FEM1B: variants seen among roughly 807,000 people sequenced by gnomAD.
The protein encoded by FEM1B is protein fem-1 homolog B.
FEM1B carries 10 observed loss-of-function variants against 38.6 expected under a neutral mutation model. The ratio of observed to expected loss-of-function variants is 0.26; its 90% CI spans 0.16 to 0.44. The LOEUF (loss-of-function observed/expected upper bound fraction) is 0.44, where lower values mean the gene tolerates loss of function less well. Ranked by LOEUF, FEM1B falls within the 20% of genes least tolerant of loss-of-function variation. FEM1B has a pLI of 1.00. For missense variants in FEM1B, 471 were observed against 786.7 expected, an observed-to-expected ratio of 0.60 and a Z score of 4.80; for synonymous variants, 288 against 288.0, an observed-to-expected ratio of 1.00 and a Z score of 0.00.
rs1892685850 is a variant in FEM1B, at chr15:68,278,355, C to T, written c.-63C>T. 17 of 1,555,288 alleles carry T rather than the reference C, an allele frequency of 1.1e-5. No homozygotes were observed. Among genetic ancestry groups the T allele is most frequent in the Non-Finnish European group, 1.4e-5 (16 of 1,149,900 alleles). On this transcript the variant is annotated 5_prime_UTR_variant, in exon 1 of 2. Coordinates refer to ENST00000306917, the MANE Select transcript of FEM1B (RefSeq NM_015322.5). This position sits in a 1 kb window ranked among gnomAD's most constrained non-coding sequence, Gnocchi z 5.7. ...GGTTTAAAGCGCTGGCGAACGCGGC[C>T]TCCGGGGGCGCACGGCAGCTGCAGC...
At chr15:68,287,105 G>A (rs974336977) in intron 1 of FEM1B, among the ~76,000 whole-genome samples, 9 of 152,148 alleles carry the variant, frequency 5.9e-5, no homozygotes, top group Non-Finnish European at 2.9e-5. Context: ...TGGCCAGGTT[G>A]GTCTCGAACT....
Position 68,291,294 on chromosome 15 carries a change from T to C in FEM1B, c.*52T>C. 4 of 1,339,152 alleles carry C rather than the reference T, an allele frequency of 3.0e-6. No individual in the cohort carries two copies. The highest frequency in any genetic ancestry group is 4.1e-6 in the Non-Finnish European group (4 of 972,032). The allele number at this position is 1,339,152 out of a possible 1,614,324, so 83.0% of individuals were successfully genotyped here. ...TGTGGTGCTAAAAAGTAAAGGACTT[T>C]TAATCACAGACAGTAGAATTATGTG... On this transcript the variant is annotated 3_prime_UTR_variant, in exon 2 of 2. Coordinates refer to ENST00000306917, the MANE Select transcript of FEM1B (RefSeq NM_015322.5). The surrounding 1 kb of genome is among the most constrained non-coding windows in gnomAD (Gnocchi z 6.9).
In FEM1B at chr15:68,288,265, A is replaced by T. The variant is rs531079088; in HGVS notation, c.249-1342A>T. On this transcript the variant is annotated intron_variant, in intron 1 of 1. Transcript: ENST00000306917. The surrounding 1 kb of genome is among the most constrained non-coding windows in gnomAD (Gnocchi z 4.6). ...CTGAATTTTGGTGGGAACACATTCA[A>T]ACTATAGCACCAGGAGCATTATTCT... 1.3e-5 allele frequency among the ~76,000 whole-genome samples: 2 copies of T among 152,366 alleles called. No individual in the cohort carries two copies. The highest frequency in any genetic ancestry group is 4.8e-5 in the African/African-American group (2 of 41,590).
In FEM1B at chr15:68,283,706, CATTGTAACTATGTA is replaced by C. The variant is rs1567113076; in HGVS notation, c.248+5047_248+5060del. 1.3e-4 allele frequency among the ~76,000 whole-genome samples: 19 copies of C among 151,998 alleles called. No individual in the cohort carries two copies. The South Asian group carries it at 3.7e-3, about 30-fold the overall frequency. Reference sequence around the variant, plus strand: ...ACAAAACAAATCCAGTGGAAGGAAACATTGTAACTATGTAATTGTTACTATGTATTAACTTTGTA... The same window carrying C: ...ACAAAACAAATCCAGTGGAAGGAAACATTGTTACTATGTATTAACTTTGTA... On this transcript the variant is annotated intron_variant, in intron 1 of 1. Coordinates refer to ENST00000306917, the MANE Select transcript of FEM1B (RefSeq NM_015322.5).
chr15:68,292,566 A>G lies in FEM1B; in HGVS notation c.*1324A>G, dbSNP rs1892858399. On this transcript the variant is annotated 3_prime_UTR_variant, in exon 2 of 2. Transcript: ENST00000306917. ...TGAAAGCAAAATTAGCTGTATCTGT[A>G]ATTTTCTCTCTAGTGCCAAATGAAT... 6.6e-6 allele frequency: 1 copy of G among 152,000 alleles called. No homozygotes were observed. The highest frequency in any genetic ancestry group is 6.6e-5 in the Admixed American group (1 of 15,248). 9.4% of individuals were successfully genotyped at this position (152,000 alleles called of 1,614,324 possible). A position where few individuals can be genotyped will look rare whatever the true frequency, so the allele number is the denominator to read the frequency against.
chr15:68,278,368 C>G lies in FEM1B; in HGVS notation c.-50C>G. On this transcript the variant is annotated 5_prime_UTR_variant, in exon 1 of 2. Transcript: ENST00000306917. The surrounding 1 kb of genome is among the most constrained non-coding windows in gnomAD (Gnocchi z 5.7). ...GGCGAACGCGGCCTCCGGGGGCGCA[C>G]GGCAGCTGCAGCGGTGGCGACCAAA... is the stretch of plus-strand genomic sequence containing the variant. The G allele has an allele frequency of 6.4e-7, 1 of 1,574,712 alleles. No homozygotes were observed. The highest frequency in any genetic ancestry group is 8.6e-7 in the Non-Finnish European group (1 of 1,159,710).
At chr15:68,286,145 T>G (rs941237688) in intron 1 of FEM1B, among the ~76,000 whole-genome samples, 1 of 152,018 alleles carries the variant, frequency 6.6e-6, no homozygotes, top group Non-Finnish European at 1.5e-5. Flanking sequence ...AAAGACCATG[T>G]TTTCTACCTG....
chr15:68,278,221 G>T lies in FEM1B; in HGVS notation c.-197G>T, dbSNP rs1428755570. ...CCTGCGCGGGCTGGGTCGCGGACGT[G>T]CCCTTCGCGGCACTCGGCCTCCTCT... On this transcript the variant is annotated 5_prime_UTR_variant, in exon 1 of 2. Transcript: ENST00000306917. This position sits in a 1 kb window ranked among gnomAD's most constrained non-coding sequence, Gnocchi z 5.7. 1 of 697,530 alleles carries T rather than the reference G, an allele frequency of 1.4e-6. No individual in the cohort carries two copies. 43.2% of individuals were successfully genotyped at this position (697,530 alleles called of 1,614,324 possible).
chr15:68,285,998 C>CT (rs1039831298), intron 1 of FEM1B, among the ~76,000 whole-genome samples: 32 of 147,846 alleles, frequency 2.2e-4, no homozygotes, highest in Admixed American at 6.7e-4. Context: ...TAGTCTATGG[C>CT]TTTTTTTTTA....
rs367887087 is a variant in FEM1B at position 68,290,154 on chromosome 15, A to G, written c.796A>G (p.Asn266Asp). The G allele has an allele frequency of 6.2e-7, 1 of 1,614,074 alleles. No homozygotes were observed. Among genetic ancestry groups the G allele is most frequent in the East Asian group, 2.2e-5 (1 of 44,886 alleles). Residue 266 changes from asparagine to aspartate, a missense_variant, in exon 2 of 2, where the codon AAC becomes GAC. By Grantham distance (23) the Asn-to-Asp change is conservative. Transcript: ENST00000306917. This position sits in a 1 kb window ranked among gnomAD's most constrained non-coding sequence, Gnocchi z 9.7. ...TGCCTCCTTTGCAAATGACCGTGAG[A>G]ACTATGACATCATAAAGACATACCA... is the stretch of plus-strand genomic sequence containing the variant. Reference protein sequence around the residue: ...LGASFANDRENYDIIKTYHYL... With the variant: ...LGASFANDREDYDIIKTYHYL...
chr15:68,278,201 G>GC lies in FEM1B; in HGVS notation c.-216dup. On this transcript the variant is annotated 5_prime_UTR_variant, in exon 1 of 2. Coordinates refer to ENST00000306917, the MANE Select transcript of FEM1B (RefSeq NM_015322.5). The surrounding 1 kb of genome is among the most constrained non-coding windows in gnomAD (Gnocchi z 5.7). The stretch of plus-strand genomic sequence containing the variant: ...CGGCCCTGACCGCCTTCCTCCCTGC[G>GC]CGGGCTGGGTCGCGGACGTGCCCTT... 1.7e-6 allele frequency: 1 copy of GC among 585,774 alleles called. No individual in the cohort carries two copies. The highest frequency in any genetic ancestry group is 2.8e-6 in the Non-Finnish European group (1 of 353,794). 36.3% of individuals were successfully genotyped at this position (585,774 alleles called of 1,614,324 possible). A position where few individuals can be genotyped will look rare whatever the true frequency, so the allele number is the denominator to read the frequency against.
In FEM1B at chr15:68,278,344, G is replaced by A; in HGVS notation, c.-74G>A. On this transcript the variant is annotated 5_prime_UTR_variant, in exon 1 of 2. An upstream open reading frame in the 5' UTR gains an earlier in-frame stop. Transcript: ENST00000306917. This position sits in a 1 kb window ranked among gnomAD's most constrained non-coding sequence, Gnocchi z 5.7. The stretch of plus-strand genomic sequence containing the variant: ...GTGAGGGCCCAGGTTTAAAGCGCTG[G>A]CGAACGCGGCCTCCGGGGGCGCACG... The A allele has an allele frequency of 6.5e-7, 1 of 1,527,964 alleles. No homozygotes were observed. Among genetic ancestry groups the A allele is most frequent in the Non-Finnish European group, 8.8e-7 (1 of 1,136,232 alleles). 94.7% of individuals were successfully genotyped at this position (1,527,964 alleles called of 1,614,324 possible). A position where few individuals can be genotyped will look rare whatever the true frequency, so the allele number is the denominator to read the frequency against.
rs964705326 is a variant in FEM1B, at chr15:68,281,673, A to G, written c.248+3008A>G. On this transcript the variant is annotated intron_variant, in intron 1 of 1. Coordinates refer to ENST00000306917, the MANE Select transcript of FEM1B (RefSeq NM_015322.5). This position sits in a 1 kb window ranked among gnomAD's most constrained non-coding sequence, Gnocchi z 5.1. Reference sequence around the variant, plus strand: ...CGCTCTGTCGCCGGGGCTGGAGTGCAGTGGCGCGATCTCGGCTCACTGCAA... The same window carrying G: ...CGCTCTGTCGCCGGGGCTGGAGTGCGGTGGCGCGATCTCGGCTCACTGCAA... Among the ~76,000 whole-genome samples the G allele has an allele frequency of 3.3e-5, 5 of 151,924 alleles. No homozygotes were observed. The highest frequency in any genetic ancestry group is 1.2e-4 in the African/African-American group (5 of 41,332).
At position 68,284,128 on chromosome 15, in the gene FEM1B, A is replaced by C. The variant is rs1595840213; in HGVS notation, c.248+5463A>C. ...TTGAACTACCCACCTCAGGTGATCC[A>C]CCCACCTTGGCCTCCCAAAGTGTTG... On this transcript the variant is annotated intron_variant, in intron 1 of 1. Transcript: ENST00000306917. The surrounding 1 kb of genome is among the most constrained non-coding windows in gnomAD (Gnocchi z 4.4). Among the ~76,000 whole-genome samples, 1 of 152,048 alleles carries C rather than the reference A, an allele frequency of 6.6e-6. No homozygotes were observed. Among genetic ancestry groups the C allele is most frequent in the Non-Finnish European group, 1.5e-5 (1 of 67,972 alleles).
At position 68,291,820 on chromosome 15, in the gene FEM1B, C is replaced by T. The variant is rs1035597654; in HGVS notation, c.*578C>T. On this transcript the variant is annotated 3_prime_UTR_variant, in exon 2 of 2. Transcript: ENST00000306917. This position sits in a 1 kb window ranked among gnomAD's most constrained non-coding sequence, Gnocchi z 6.9. The stretch of plus-strand genomic sequence containing the variant: ...GCTGCAGATTAATCTGGAAAATGTG[C>T]TAATTTAATAATAGTTACAAATTTA... The T allele has an allele frequency of 2.0e-5, 3 of 152,202 alleles. No individual in the cohort carries two copies. Among genetic ancestry groups the T allele is most frequent in the Admixed American group, 6.5e-5 (1 of 15,274 alleles). The allele number at this position is 152,202 out of a possible 1,614,324, so 9.4% of individuals were successfully genotyped here. A position where few individuals can be genotyped will look rare whatever the true frequency, so the allele number is the denominator to read the frequency against.
chr15:68,290,630 A>C lies in FEM1B; in HGVS notation c.1272A>C (p.Arg424Ser). 1.9e-6 allele frequency: 3 copies of C among 1,614,174 alleles called. No individual in the cohort carries two copies. The highest frequency in any genetic ancestry group is 2.5e-6 in the Non-Finnish European group (3 of 1,179,984). Reference sequence around the variant, plus strand: ...TGGAAATAGAACAAAGTATGAACAGAGTGAAAAATATTTCAGATGCTGATG... The same window carrying C: ...TGGAAATAGAACAAAGTATGAACAGCGTGAAAAATATTTCAGATGCTGATG... ...SVLEIEQSMNRVKNISDADVH... is the reference protein window; with the variant it reads ...SVLEIEQSMNSVKNISDADVH... Residue 424 changes from arginine to serine, a missense_variant, in exon 2 of 2, where the codon AGA becomes AGC. Coordinates refer to ENST00000306917, the MANE Select transcript of FEM1B (RefSeq NM_015322.5). The surrounding 1 kb of genome is among the most constrained non-coding windows in gnomAD (Gnocchi z 9.7).
chr15:68,283,902 T>G (rs1032395165), intron 1 of FEM1B, among the ~76,000 whole-genome samples: 1 of 144,768 alleles, frequency 6.9e-6, no homozygotes, highest in African/African-American at 2.5e-5. Context: ...TTTTTTTTTT[T>G]GAGATGGAGT....
chr15:68,291,774 C>T lies in FEM1B; in HGVS notation c.*532C>T, dbSNP rs1036155496. ...GAGTGATGCAGCACATTTTAGCATT[C>T]AGGAGGATTTTTAAAAAATAGCTGC... On this transcript the variant is annotated 3_prime_UTR_variant, in exon 2 of 2. Coordinates refer to ENST00000306917, the MANE Select transcript of FEM1B (RefSeq NM_015322.5). This position sits in a 1 kb window ranked among gnomAD's most constrained non-coding sequence, Gnocchi z 6.9. 1.4e-4 allele frequency: 22 copies of T among 152,392 alleles called. No individual in the cohort carries two copies. Among genetic ancestry groups the T allele is most frequent in the African/African-American group, 5.3e-4 (22 of 41,456 alleles). The allele number at this position is 152,392 out of a possible 1,614,324, so 9.4% of individuals were successfully genotyped here.
At position 68,288,608 on chromosome 15, in the gene FEM1B, G is replaced by A. The variant is rs995958426; in HGVS notation, c.249-999G>A. ...TTTTGTATGTTAAGTAGTGAATCTA[G>A]CACATATCAGATGTTTAGTAAGTAA... On this transcript the variant is annotated intron_variant, in intron 1 of 1. Transcript: ENST00000306917. This position sits in a 1 kb window ranked among gnomAD's most constrained non-coding sequence, Gnocchi z 4.6. 6.6e-6 allele frequency among the ~76,000 whole-genome samples: 1 copy of A among 152,276 alleles called. No individual in the cohort carries two copies. Among genetic ancestry groups the A allele is most frequent in the African/African-American group, 2.4e-5 (1 of 41,546 alleles).
Sources: gnomAD v4.1 joint callset for allele counts (sites outside exome capture counted in the v4.1 genomes callset) on GRCh38, gnomAD v4.1.1 for gene constraint, Gnocchi (gnomAD v3.1) non-coding constraint, MANE v1.5 for transcripts, NCBI Gene and HGNC (gene_info 2026-07-23, HGNC 2026-07-21) for gene names.